The following PPARGC1A variants were observed in gnomAD, a reference collection of about 807,000 sequenced individuals.
PPARGC1A encodes PPARG coactivator 1 alpha, also known as peroxisome proliferator-activated receptor gamma coactivator 1-alpha.
In PPARGC1A, 25 loss-of-function variants were observed where a neutral mutation model predicts 88.7. The ratio of observed to expected loss-of-function variants is 0.28; its 90% CI spans 0.21 to 0.39. The LOEUF (loss-of-function observed/expected upper bound fraction) is 0.39, where lower values mean the gene tolerates loss of function less well. PPARGC1A is among the 10% of genes least tolerant of loss of function. The pLI is 1.00. For synonymous variants in PPARGC1A, 363 were observed against 355.6 expected, an observed-to-expected ratio of 1.02 and a Z score of -0.24; for missense variants, 880 against 968.7, an observed-to-expected ratio of 0.91 and a Z score of 1.22.
chr4:24,148,207 A>G, the PPARGC1A span, among the ~76,000 whole-genome samples: 1 of 152,278 alleles, frequency 6.6e-6, no homozygotes, highest in South Asian at 2.1e-4. Flanking sequence ...TGATCTCACA[A>G]CCAAATATAT....
chr4:24,470,617 C>T, the PPARGC1A span, among the ~76,000 whole-genome samples: 1 of 151,950 alleles, frequency 6.6e-6, no homozygotes, highest in Non-Finnish European at 1.5e-5. The surrounding 1 kb of genome is among the most constrained non-coding windows in gnomAD (Gnocchi z 5.8). Flanking sequence ...TCGTGTCTCC[C>T]GGCTGCCTCA....
chr4:24,161,038 G>C, the PPARGC1A span, among the ~76,000 whole-genome samples: 1 of 152,180 alleles, frequency 6.6e-6, no homozygotes, highest in African/African-American at 2.4e-5. Context: ...TATAGGATAA[G>C]TGATCAGAAA....
At chr4:24,408,770 C>T in the PPARGC1A span, among the ~76,000 whole-genome samples, 1 of 152,166 alleles carries the variant, frequency 6.6e-6, no homozygotes, top group African/African-American at 2.4e-5. Context: ...ACTCTAGCCC[C>T]AGCTAAAATC....
the PPARGC1A span, among the ~76,000 whole-genome samples, chr4:24,308,960 A>T: frequency 6.6e-6 from 1 of 152,104 alleles, no homozygotes; most frequent in Non-Finnish European, 1.5e-5. Flanking sequence ...ACATTTGAGT[A>T]GAAGGTGTTA....
At chr4:24,343,353 G>T in the PPARGC1A span, among the ~76,000 whole-genome samples, 1 of 152,170 alleles carries the variant, frequency 6.6e-6, no homozygotes, top group African/African-American at 2.4e-5. Flanking sequence ...CCTACCCATG[G>T]ATGAGATTAG....
At chr4:24,094,999 A>G in the PPARGC1A span, among the ~76,000 whole-genome samples, 9 of 152,304 alleles carry the variant, frequency 5.9e-5, no homozygotes, top group Admixed American at 5.9e-4. Context: ...GCTCGAGGAC[A>G]CTGCTGGGAG....
At chr4:24,429,726 A>C in the PPARGC1A span, among the ~76,000 whole-genome samples, 1 of 145,702 alleles carries the variant, frequency 6.9e-6, no homozygotes, top group African/African-American at 2.6e-5. Context: ...ATCTTGGCTC[A>C]CTGTAATCTC....
In PPARGC1A at chr4:23,831,609, G is replaced by A; in HGVS notation, c.377C>T (p.Ser126Phe). 1 of 1,614,172 alleles carries A rather than the reference G, an allele frequency of 6.2e-7. No individual in the cohort carries two copies. Among genetic ancestry groups the A allele is most frequent in the Non-Finnish European group, 8.5e-7 (1 of 1,180,010 alleles). Residue 126 changes from serine (S) to phenylalanine (F), a missense_variant, in exon 3 of 13, where the codon TCC (serine) becomes TTC (phenylalanine). Physicochemically the swap from Ser to Phe is radical, Grantham distance 155. Transcript: ENST00000264867. Reference protein sequence around the residue: ...DVTTDNEASPSSMPDGTPPPQ... With the variant: ...DVTTDNEASPFSMPDGTPPPQ... Reference sequence around the variant, plus strand: ...TGGAGGGGTGCCGTCAGGCATGGAGGAAGGACTAGCCTCATTGTCAGTGGT... The same window carrying A: ...TGGAGGGGTGCCGTCAGGCATGGAGAAAGGACTAGCCTCATTGTCAGTGGT...
the PPARGC1A span, among the ~76,000 whole-genome samples, chr4:24,013,435 C>A: frequency 1.3e-5 from 2 of 152,124 alleles, no homozygotes; most frequent in Admixed American, 6.6e-5. Context: ...CTCGTCCTCT[C>A]TCCTTCTTCT....
At chr4:23,871,760 A>G (rs58563040) in intron 2 of PPARGC1A, among the ~76,000 whole-genome samples, 20,185 of 152,224 alleles carry the variant, frequency 0.13, 1,683 homozygotes, top group Middle Eastern at 0.24. Flanking sequence ...CCAAGAGCCC[A>G]TGGAAAAACC....
At chr4:24,094,896 G>T in the PPARGC1A span, among the ~76,000 whole-genome samples, 2 of 152,078 alleles carry the variant, frequency 1.3e-5, no homozygotes, top group Non-Finnish European at 2.9e-5. Flanking sequence ...TATGTATAAT[G>T]ACTCTGGCCA....
chr4:23,861,669 C>T, intron 2 of PPARGC1A, among the ~76,000 whole-genome samples: 1 of 151,536 alleles, frequency 6.6e-6, no homozygotes, highest in Non-Finnish European at 1.5e-5. Flanking sequence ...CTCCTTGGTC[C>T]AGAAACAAAA....
chr4:23,871,312 C>T (rs749083704), intron 2 of PPARGC1A, among the ~76,000 whole-genome samples: 6 of 152,146 alleles, frequency 3.9e-5, no homozygotes, highest in Admixed American at 6.5e-5. Context: ...CTGGGATTGC[C>T]GGTGATAGGA....
At chr4:24,325,587 T>C in the PPARGC1A span, among the ~76,000 whole-genome samples, 2 of 152,120 alleles carry the variant, frequency 1.3e-5, no homozygotes, top group Admixed American at 6.5e-5. Flanking sequence ...AATCGGACTG[T>C]TCAACTCACC....
chr4:23,836,598 A>G (rs1326861434), intron 2 of PPARGC1A, among the ~76,000 whole-genome samples: 1 of 152,164 alleles, frequency 6.6e-6, no homozygotes, highest in African/African-American at 2.4e-5. Context: ...CAGTCAACAA[A>G]ATGAGAAGGT....
chr4:24,373,081 A>G, the PPARGC1A span, among the ~76,000 whole-genome samples: 1 of 152,212 alleles, frequency 6.6e-6, no homozygotes, highest in African/African-American at 2.4e-5. Context: ...CCAGTTCTAC[A>G]TTCTGGAAGG....
At chr4:24,199,890 A>G in the PPARGC1A span, among the ~76,000 whole-genome samples, 1 of 152,192 alleles carries the variant, frequency 6.6e-6, no homozygotes, top group Non-Finnish European at 1.5e-5. Context: ...GAACACTGTT[A>G]TCAGCAAAAG....
Position 23,802,285 on chromosome 4 carries a change from T to A in PPARGC1A, c.2080A>T (p.Arg694Trp). ...IRPDTTRTEL[R>W]DRFEVFGEIE... Reference sequence around the variant, plus strand: ...TCACCAAAAACTTCAAAACGGTCCCTCAGTTCTGTCCGTGTTGTGTCAGGT... The same window carrying A: ...TCACCAAAAACTTCAAAACGGTCCCACAGTTCTGTCCGTGTTGTGTCAGGT... Residue 694 changes from arginine to tryptophan, a missense_variant, in exon 11 of 13, where the codon AGG (arginine) becomes TGG (tryptophan). By Grantham distance (101) the Arg-to-Trp change is moderately radical (BLOSUM62 -3). Transcript: ENST00000264867. The A allele has an allele frequency of 6.2e-7, 1 of 1,613,748 alleles. No homozygotes were observed. Among genetic ancestry groups the A allele is most frequent in the Non-Finnish European group, 8.5e-7 (1 of 1,179,928 alleles).
the PPARGC1A span, among the ~76,000 whole-genome samples, chr4:24,305,133 G>GTGTATATATATA: frequency 2.1e-5 from 3 of 142,896 alleles, no homozygotes; most frequent in African/African-American, 5.2e-5. Flanking sequence ...ATATGTGTAT[G>GTGTATATATATA]TATATATATA....
Sources: allele counts gnomAD v4.1 joint callset (sites outside exome capture counted in the v4.1 genomes callset), GRCh38; gene constraint gnomAD v4.1.1; non-coding constraint Gnocchi (gnomAD v3.1); transcripts MANE v1.5; gene names NCBI Gene and HGNC (gene_info 2026-07-23, HGNC 2026-07-21).